The following TENM3 variants were observed in gnomAD, a reference collection of about 807,000 sequenced individuals.
The protein encoded by TENM3 is teneurin transmembrane protein 3.
TENM3 carries 63 observed loss-of-function variants against 255.1 expected under a neutral mutation model. That is an observed-to-expected ratio of 0.25 (90% CI 0.20 to 0.30). The LOEUF is 0.30. Among genes scored for constraint, TENM3 ranks in the 10% least tolerant of loss-of-function variants. The pLI is 1.00. For synonymous variants in TENM3, 1,306 were observed against 1,322.3 expected, an observed-to-expected ratio of 0.99 and a Z score of 0.27; for missense variants, 2,929 against 3,461.1, an observed-to-expected ratio of 0.85 and a Z score of 3.86.
At chr4:181,530,302 A>G in the TENM3 span, among the ~76,000 whole-genome samples, 1 of 152,202 alleles carries the variant, frequency 6.6e-6, no homozygotes, top group Admixed American at 6.5e-5. Context: ...ATTAATTTTT[A>G]CAAGGGAACT....
At position 182,792,606 on chromosome 4, in the gene TENM3, G is replaced by A; in HGVS notation, c.5934G>A (p.Lys1978=). The part of the protein sequence containing the change: ...FTYDETAGVL[K]TVNLQSDGFI... ...ATGATGAAACAGCAGGAGTCCTAAA[G>A]ACAGTAAACCTCCAGAGTGATGGTT... Residue 1978 remains lysine, a synonymous_variant, in exon 26 of 28, where the codon AAG becomes AAA. Coordinates refer to ENST00000511685, the MANE Select transcript of TENM3 (RefSeq NM_001080477.4). The surrounding 1 kb of genome is among the most constrained non-coding windows in gnomAD (Gnocchi z 6.3). 6.2e-7 allele frequency: 1 copy of A among 1,613,982 alleles called. No homozygotes were observed. The highest frequency in any genetic ancestry group is 8.5e-7 in the Non-Finnish European group (1 of 1,179,886).
chr4:182,423,061 G>T (rs1770957542), intron 3 of TENM3, among the ~76,000 whole-genome samples: 1 of 152,182 alleles, frequency 6.6e-6, no homozygotes, highest in African/African-American at 2.4e-5. Context: ...TAGATAGATG[G>T]TTTTTAAGCT....
the TENM3 span, among the ~76,000 whole-genome samples, chr4:181,964,705 C>T: frequency 6.6e-6 from 1 of 152,074 alleles, no homozygotes; most frequent in East Asian, 1.9e-4. Context: ...TGAATATCAT[C>T]AACATGGGAC....
chr4:182,033,721 G>A, the TENM3 span, among the ~76,000 whole-genome samples: 1 of 152,122 alleles, frequency 6.6e-6, no homozygotes, highest in South Asian at 2.1e-4. Flanking sequence ...GGGTGCTTTT[G>A]TATTGGGTGC....
At chr4:182,710,099 T>G (rs1406802577) in intron 12 of TENM3, among the ~76,000 whole-genome samples, 1 of 152,198 alleles carries the variant, frequency 6.6e-6, no homozygotes, top group Non-Finnish European at 1.5e-5. Flanking sequence ...AGAATTAAGT[T>G]GTGTTATTTA....
At chr4:182,731,268 G>A (rs898653991) in intron 16 of TENM3, 129 bp downstream of exon 16, 4 of 843,076 alleles carry the variant, frequency 4.7e-6, no homozygotes, top group Non-Finnish European at 7.3e-6. Context: ...CGCTTTGGGA[G>A]GCCGAGGTGG....
intron 3 of TENM3, among the ~76,000 whole-genome samples, chr4:182,543,573 C>T (rs1380527919): frequency 6.6e-6 from 1 of 152,072 alleles, no homozygotes; most frequent in Non-Finnish European, 1.5e-5. Context: ...CTCATCTAGG[C>T]ATCTGTTCCC....
At chr4:182,100,794 TACACATATATATACAC>T in the TENM3 span, among the ~76,000 whole-genome samples, 34 of 6,408 alleles carry the variant, frequency 5.3e-3, 1 homozygote, top group Non-Finnish European at 9.1e-3. Flanking sequence ...CACATATATA[TACACATATATATACAC>T]ATATATATAC....
At chr4:182,690,073 AC>A (rs554664438) in intron 12 of TENM3, among the ~76,000 whole-genome samples, 30 of 152,134 alleles carry the variant, frequency 2.0e-4, no homozygotes, top group Non-Finnish European at 3.5e-4. Flanking sequence ...GGACAAAATA[AC>A]CTTATCAGTG....
At chr4:181,639,958 C>T in the TENM3 span, among the ~76,000 whole-genome samples, 4 of 152,282 alleles carry the variant, frequency 2.6e-5, no homozygotes, top group Middle Eastern at 3.4e-3. Flanking sequence ...AATGCCGTGT[C>T]GCTTTGCCAT....
the TENM3 span, among the ~76,000 whole-genome samples, chr4:181,463,922 C>T: frequency 1.3e-5 from 2 of 152,060 alleles, no homozygotes; most frequent in Non-Finnish European, 1.5e-5. Flanking sequence ...TGTTCTTTGG[C>T]CTTTTGACTT....
intron 4 of TENM3, among the ~76,000 whole-genome samples, chr4:182,622,362 A>G (rs1172874875): frequency 6.6e-6 from 1 of 152,224 alleles, no homozygotes; most frequent in Non-Finnish European, 1.5e-5. Flanking sequence ...AAAAAGAAAA[A>G]GAATAATTTC....
intron 16 of TENM3, among the ~76,000 whole-genome samples, chr4:182,733,327 A>G (rs1760917403): frequency 6.6e-6 from 1 of 152,236 alleles, no homozygotes; most frequent in South Asian, 2.1e-4. Flanking sequence ...TGGCAAAGAT[A>G]ACTCTTTGAG....
At chr4:181,973,427 G>A in the TENM3 span, among the ~76,000 whole-genome samples, 1 of 152,114 alleles carries the variant, frequency 6.6e-6, no homozygotes, top group African/African-American at 2.4e-5. Flanking sequence ...CAGAGAAAAC[G>A]GAGACGGAAT....
At chr4:182,118,395 T>C in the TENM3 span, among the ~76,000 whole-genome samples, 1 of 152,194 alleles carries the variant, frequency 6.6e-6, no homozygotes, top group Non-Finnish European at 1.5e-5. Context: ...TTTCTCACTA[T>C]GAAGTATAAT....
intron 1 of TENM3, among the ~76,000 whole-genome samples, chr4:182,309,617 A>G (rs966238457): frequency 7.2e-5 from 11 of 152,224 alleles, no homozygotes; most frequent in African/African-American, 2.7e-4. Context: ...TTGGTGTGGG[A>G]ACAATTTTTT....
At chr4:182,753,290 G>A (rs1452019085) in intron 20 of TENM3, among the ~76,000 whole-genome samples, 160 bp from the exon 21 acceptor site, 1 of 152,158 alleles carries the variant, frequency 6.6e-6, no homozygotes, top group Non-Finnish European at 1.5e-5. Context: ...AAATGCCTGT[G>A]TTGGTTTTTT....
chr4:182,102,016 C>G, the TENM3 span, among the ~76,000 whole-genome samples: 1 of 152,268 alleles, frequency 6.6e-6, no homozygotes, highest in East Asian at 1.9e-4. Context: ...AGAGCCGGGG[C>G]TGAGGCTGCA....
the TENM3 span, among the ~76,000 whole-genome samples, chr4:181,564,554 A>G: frequency 7.8e-3 from 1,182 of 152,228 alleles, 11 homozygotes; most frequent in African/African-American, 0.027. Context: ...GTACCTATGT[A>G]CAAGCTCGCC....
Sources: allele counts gnomAD v4.1 joint callset (sites outside exome capture counted in the v4.1 genomes callset), GRCh38; gene constraint gnomAD v4.1.1; non-coding constraint Gnocchi (gnomAD v3.1); transcripts MANE v1.5; gene names NCBI Gene and HGNC (gene_info 2026-07-23, HGNC 2026-07-21).